The following VPS50 variants were observed in gnomAD, a reference collection of about 807,000 sequenced individuals.
VPS50 encodes the protein VPS50 subunit of EARP/GARPII complex.
VPS50 carries 70 observed loss-of-function variants against 139.7 expected under a neutral mutation model. That is an observed-to-expected ratio of 0.50 (90% CI 0.41 to 0.61). The LOEUF (loss-of-function observed/expected upper bound fraction) is 0.61, where lower values mean the gene tolerates loss of function less well. Among genes scored for constraint, VPS50 ranks in the 20% least tolerant of loss-of-function variants. The pLI is 0.00. For synonymous variants in VPS50, 365 were observed against 376.7 expected, an observed-to-expected ratio of 0.97 and a Z score of 0.36; for missense variants, 921 against 1,133.7, an observed-to-expected ratio of 0.81 and a Z score of 2.69.
chr7:93,358,379 G>C lies in VPS50; in HGVS notation c.2838G>C (p.Lys946Asn). Reference sequence around the variant, plus strand: ...TTTGCCTGGGATCCCATATCAATAAGAAAGCAAGACAAAAACTTCTAGCAG... The same window carrying C: ...TTTGCCTGGGATCCCATATCAATAACAAAGCAAGACAAAAACTTCTAGCAG... Reference protein sequence around the residue: ...VNVCLGSHINKKARQKLLAAI... With the variant: ...VNVCLGSHINNKARQKLLAAI... Residue 946 changes from lysine (K) to asparagine (N), a missense_variant, in exon 28 of 28, where the codon AAG becomes AAC. Coordinates refer to ENST00000305866, the MANE Select transcript of VPS50 (RefSeq NM_017667.4). 1 of 1,612,168 alleles carries C rather than the reference G, an allele frequency of 6.2e-7. No homozygotes were observed. Among genetic ancestry groups the C allele is most frequent in the Non-Finnish European group, 8.5e-7 (1 of 1,178,440 alleles).
intron 12 of VPS50, among the ~76,000 whole-genome samples, chr7:93,278,988 T>C (rs1297419784): frequency 6.6e-6 from 1 of 152,178 alleles, no homozygotes; most frequent in Non-Finnish European, 1.5e-5. Flanking sequence ...TTGGTTCGAA[T>C]TGGTGAGAAT....
intron 21 of VPS50, among the ~76,000 whole-genome samples, chr7:93,331,884 C>T (rs1287767649): frequency 6.6e-6 from 1 of 152,060 alleles, no homozygotes; most frequent in Non-Finnish European, 1.5e-5. Flanking sequence ...AAGAAAACAA[C>T]CCACGTAAAA....
chr7:93,297,156 T>C lies in VPS50; in HGVS notation c.1274T>C (p.Val425Ala). 3 of 1,564,374 alleles carry C rather than the reference T, an allele frequency of 1.9e-6. No homozygotes were observed. Among genetic ancestry groups the C allele is most frequent in the Non-Finnish European group, 2.6e-6 (3 of 1,164,316 alleles). ...VLDIISRLMQ[V>A]GEEFCGSKSE... ...TTTTATCCAACTAGGTTGATGCAAG[T>C]TGGAGAAGAATTTTGTGGTAGCAAG... The change falls in exon 16 of 28, where the codon GTT (valine) becomes GCT (alanine). Residue 425 changes from valine to alanine, a missense_variant. Physicochemically the swap from Val to Ala is moderately conservative, Grantham distance 64 (BLOSUM62 0). This residue lies in a region of VPS50 where 744 missense variants were observed against 930.6 expected (regional missense o/e 0.80). Transcript: ENST00000305866.
At chr7:93,300,865 T>C (rs949155106) in intron 16 of VPS50, among the ~76,000 whole-genome samples, 2 of 152,054 alleles carry the variant, frequency 1.3e-5, no homozygotes, top group African/African-American at 4.8e-5. Context: ...AAAATTTCTT[T>C]AAAATATTTA....
chr7:93,343,438 A>C (rs1203006180), intron 23 of VPS50, among the ~76,000 whole-genome samples: 1 of 152,194 alleles, frequency 6.6e-6, no homozygotes, highest in African/African-American at 2.4e-5. Context: ...AACTTCCCCA[A>C]TCTAGCAAGG....
chr7:93,241,910 G>A (rs1211867554), intron 2 of VPS50, among the ~76,000 whole-genome samples: 1 of 151,910 alleles, frequency 6.6e-6, no homozygotes, highest in Admixed American at 6.6e-5. Flanking sequence ...TTGATGACCT[G>A]AAATTTGATG....
intron 21 of VPS50, among the ~76,000 whole-genome samples, chr7:93,329,884 T>C (rs1234431708): frequency 6.6e-6 from 1 of 152,150 alleles, no homozygotes; most frequent in Non-Finnish European, 1.5e-5. Context: ...ACAAGGGACA[T>C]ATAAGAATTC....
intron 12 of VPS50, among the ~76,000 whole-genome samples, chr7:93,285,931 C>T (rs1796469608): frequency 6.6e-6 from 1 of 152,044 alleles, no homozygotes; most frequent in Non-Finnish European, 1.5e-5. Context: ...TTATGATCGC[C>T]AAATTTATTA....
At chr7:93,321,682 A>T (rs1174966040) in intron 20 of VPS50, among the ~76,000 whole-genome samples, 1 of 152,212 alleles carries the variant, frequency 6.6e-6, no homozygotes, top group Non-Finnish European at 1.5e-5. Flanking sequence ...CACATTTAAA[A>T]TCGCCTTTAC....
chr7:93,269,987 TTTG>T (rs2116877017), intron 9 of VPS50, among the ~76,000 whole-genome samples: 1 of 152,166 alleles, frequency 6.6e-6, no homozygotes, highest in South Asian at 2.1e-4. Flanking sequence ...CTTTCACTTG[TTTG>T]TACTATTTTA....
Position 93,358,351 on chromosome 7 carries a change from A to C in VPS50, c.2810A>C (p.Asn937Thr), listed in dbSNP as rs773577747. Residue 937 changes from asparagine (N) to threonine (T), a missense_variant, in exon 28 of 28, where the codon AAT (asparagine) becomes ACT (threonine). Physicochemically the swap from Asn to Thr is moderately conservative, Grantham distance 65. Coordinates refer to ENST00000305866, the MANE Select transcript of VPS50 (RefSeq NM_017667.4). ...YSTKQLTNLV[N>T]VCLGSHINKK... Reference sequence around the variant, plus strand: ...ACGAAGCAGCTGACCAATCTGGTGAATGTTTGCCTGGGATCCCATATCAAT... The same window carrying C: ...ACGAAGCAGCTGACCAATCTGGTGACTGTTTGCCTGGGATCCCATATCAAT... The C allele has an allele frequency of 2.5e-6, 4 of 1,612,756 alleles. No homozygotes were observed. In the African/African-American group the frequency reaches 5.3e-5, roughly 22 times the overall value.
intron 20 of VPS50, among the ~76,000 whole-genome samples, chr7:93,318,156 A>G (rs912842100): frequency 2.0e-5 from 3 of 151,900 alleles, no homozygotes; most frequent in African/African-American, 4.8e-5. Flanking sequence ...TATTATTTAC[A>G]TGAATTTATA....
chr7:93,273,188 C>T (rs976068243), intron 11 of VPS50: 2 of 152,112 alleles, frequency 1.3e-5, no homozygotes, highest in Non-Finnish European at 2.9e-5. Context: ...TTTTATTTAT[C>T]ACATATTTCA....
intron 26 of VPS50, among the ~76,000 whole-genome samples, chr7:93,354,677 ACT>A (rs1299680572): frequency 6.6e-6 from 1 of 151,806 alleles, no homozygotes; most frequent in Non-Finnish European, 1.5e-5. Flanking sequence ...ATCACTGTAA[ACT>A]CTATAAATCT....
intron 12 of VPS50, among the ~76,000 whole-genome samples, chr7:93,279,988 T>TA (rs989501143): frequency 9.4e-5 from 14 of 148,172 alleles, no homozygotes; most frequent in East Asian, 2.0e-4. Context: ...TTGAACTAAT[T>TA]AAAAAAAAAA....
intron 23 of VPS50, among the ~76,000 whole-genome samples, chr7:93,346,604 A>G (rs1003500980): frequency 6.6e-6 from 1 of 152,106 alleles, no homozygotes; most frequent in Non-Finnish European, 1.5e-5. Flanking sequence ...CCAAAACAGC[A>G]TGGTACTGGT....
Position 93,315,836 on chromosome 7 carries a change from ATTTT to A in VPS50, c.1855+4577_1855+4580del, listed in dbSNP as rs397890428. Among the ~76,000 whole-genome samples, 943 of 140,896 alleles carry A rather than the reference ATTTT, an allele frequency of 6.7e-3. 12 individuals are homozygous for A. The highest frequency in any genetic ancestry group is 0.021 in the African/African-American group (823 of 38,604). The allele number at this position is 140,896 out of a possible 152,430, so 92.4% of individuals were successfully genotyped here. On this transcript the variant is annotated intron_variant, in intron 20 of 27. Coordinates refer to ENST00000305866, the MANE Select transcript of VPS50 (RefSeq NM_017667.4). The stretch of plus-strand genomic sequence containing the variant: ...GCATTCATTAGTTTTAGTCCACCAG[ATTTT>A]TTTTTTTTTTTTGAGTCACTACTTT...
At chr7:93,342,431 A>C (rs1584488072) in intron 23 of VPS50, among the ~76,000 whole-genome samples, 1 of 152,340 alleles carries the variant, frequency 6.6e-6, no homozygotes, top group East Asian at 1.9e-4. Flanking sequence ...AGGCTTGCTT[A>C]GGTAAACAAA....
chr7:93,356,924 T>C (rs1441968749), intron 27 of VPS50, among the ~76,000 whole-genome samples: 1 of 152,166 alleles, frequency 6.6e-6, no homozygotes, highest in Admixed American at 6.6e-5. Flanking sequence ...ATAAAATGCA[T>C]TAGCCTAGAA....
Sources: gnomAD v4.1 joint callset for allele counts (sites outside exome capture counted in the v4.1 genomes callset) on GRCh38, gnomAD v4.1.1 for gene constraint, gnomAD v4.1.1 regional missense constraint, MANE v1.5 for transcripts, NCBI Gene and HGNC (gene_info 2026-07-23, HGNC 2026-07-21) for gene names.